CPA6: variants seen among roughly 807,000 people sequenced by gnomAD.
CPA6 encodes the protein carboxypeptidase A6.
In CPA6, 58 loss-of-function variants were observed where a neutral mutation model predicts 63.3. The observed-to-expected ratio is 0.92, with a 90% CI of 0.74 to 1.14. The LOEUF (loss-of-function observed/expected upper bound fraction) is 1.14, where lower values mean the gene tolerates loss of function less well. Among genes scored for constraint, CPA6 ranks in the 50% most tolerant of loss-of-function variants. The pLI is 0.00. For synonymous variants in CPA6, 185 were observed against 179.0 expected (o/e 1.03, Z -0.27); for missense variants, 565 against 526.6 (o/e 1.07, Z -0.71).
chr8:67,529,144 C>T (rs2128968614), intron 2 of CPA6, among the ~76,000 whole-genome samples: 1 of 152,026 alleles, frequency 6.6e-6, no homozygotes, highest in Non-Finnish European at 1.5e-5. Context: ...TTCTTATCTA[C>T]AGACAGAACT....
intron 1 of CPA6, among the ~76,000 whole-genome samples, chr8:67,710,053 C>A (rs1482027494): frequency 6.6e-6 from 1 of 151,466 alleles, no homozygotes; most frequent in Admixed American, 6.6e-5. Flanking sequence ...GCAGAGGTTG[C>A]AGTGAGCTGA....
chr8:67,640,371 C>A (rs902836156), intron 1 of CPA6, among the ~76,000 whole-genome samples: 3 of 151,490 alleles, frequency 2.0e-5, no homozygotes, highest in Admixed American at 6.6e-5. Flanking sequence ...TGCCCCAAAT[C>A]CAGAGGGGGT....
intron 6 of CPA6, among the ~76,000 whole-genome samples, chr8:67,496,532 T>TATAG (rs1811717637): frequency 7.4e-6 from 1 of 135,488 alleles, no homozygotes; most frequent in Non-Finnish European, 1.5e-5. Context: ...TATATATATA[T>TATAG]ATATATATAT....
intron 1 of CPA6, among the ~76,000 whole-genome samples, chr8:67,740,002 C>T (rs2553669): frequency 0.82 from 124,431 of 152,120 alleles, 51,111 homozygotes; most frequent in Admixed American, 0.86. Flanking sequence ...CAGAGGGAAC[C>T]AGAGATGCAT....
At chr8:67,464,781 G>A (rs764526861) in intron 8 of CPA6, among the ~76,000 whole-genome samples, 1 of 152,144 alleles carries the variant, frequency 6.6e-6, no homozygotes, top group Non-Finnish European at 1.5e-5. Flanking sequence ...TATCCCCATT[G>A]CTTATTTCTG....
chr8:67,613,672 C>T (rs868510282), intron 2 of CPA6, among the ~76,000 whole-genome samples: 2 of 152,138 alleles, frequency 1.3e-5, no homozygotes, highest in Non-Finnish European at 1.5e-5. Context: ...GACAGGAGAC[C>T]GGGAAATCCT....
intron 2 of CPA6, among the ~76,000 whole-genome samples, chr8:67,547,625 G>C (rs1812847195): frequency 6.6e-6 from 1 of 151,830 alleles, no homozygotes; most frequent in Non-Finnish European, 1.5e-5. Flanking sequence ...CTCTGGAGTA[G>C]CTGGGCCCAC....
chr8:67,479,648 G>A lies in CPA6; in HGVS notation c.838+4120C>T, dbSNP rs1043295996. On this transcript the variant is annotated intron_variant, in intron 8 of 10. Coordinates refer to ENST00000297770, the MANE Select transcript of CPA6 (RefSeq NM_020361.5). ...TCACAGCAAAGTTTAATTGCAATCC[G>A]CTATAGGCATTTTTGAGTACTAAAG... Among the ~76,000 whole-genome samples the A allele has an allele frequency of 2.4e-4, 37 of 152,126 alleles. 1 individual carries two copies. Among genetic ancestry groups the A allele is most frequent in the Non-Finnish European group, 5.0e-4 (34 of 68,014 alleles).
chr8:67,713,286 A>G (rs1817311761), intron 1 of CPA6, among the ~76,000 whole-genome samples: 1 of 151,022 alleles, frequency 6.6e-6, no homozygotes, highest in Admixed American at 6.6e-5. Flanking sequence ...GATCTCAGGT[A>G]ACAAACTGAA....
chr8:67,599,707 T>C (rs561670837), intron 2 of CPA6, among the ~76,000 whole-genome samples: 2 of 152,330 alleles, frequency 1.3e-5, no homozygotes, highest in Admixed American at 6.5e-5. Context: ...AAGGTTTATG[T>C]TATTTTATTT....
intron 6 of CPA6, among the ~76,000 whole-genome samples, chr8:67,485,875 C>T (rs2128961509): frequency 6.6e-6 from 1 of 152,296 alleles, no homozygotes. Flanking sequence ...CATTAATGCA[C>T]TCTGGTCTAT....
At chr8:67,558,427 T>G (rs747331924) in intron 2 of CPA6, among the ~76,000 whole-genome samples, 14 of 152,232 alleles carry the variant, frequency 9.2e-5, no homozygotes, top group Non-Finnish European at 1.6e-4. Flanking sequence ...TATTTTCTAC[T>G]CTACCTCTTT....
rs201233591 is a variant in CPA6 at position 67,484,788 on chromosome 8, G to A, written c.638C>T (p.Ala213Val). The A allele has an allele frequency of 3.2e-6, 5 of 1,546,048 alleles. No homozygotes were observed. The highest frequency in any genetic ancestry group is 1.4e-5 in the African/African-American group (1 of 73,144). Residue 213 changes from alanine to valine, a missense_variant and splice_region_variant, in exon 7 of 11, where the codon GCT becomes GTT. Transcript: ENST00000297770. ...TGGGTCACTCTTATATGTTAGAAGA[G>A]CCTAAAAGACAAAGGTGAGATTTTT... ...PAFCQWFVKE[A>V]LLTYKSDPAM...
chr8:67,556,212 G>T (rs1051994770), intron 2 of CPA6, among the ~76,000 whole-genome samples: 2 of 152,168 alleles, frequency 1.3e-5, no homozygotes, highest in Non-Finnish European at 2.9e-5. Flanking sequence ...TATGGGAGAT[G>T]GGGTTTCTGC....
chr8:67,569,909 G>A (rs1813441990), intron 2 of CPA6: 1 of 162,982 alleles, frequency 6.1e-6, no homozygotes, highest in Admixed American at 6.5e-5. Context: ...CTGTACAAGA[G>A]GAGAGTAAAG....
intron 2 of CPA6, among the ~76,000 whole-genome samples, chr8:67,533,268 A>C (rs959686625): frequency 3.3e-5 from 5 of 152,210 alleles, no homozygotes; most frequent in African/African-American, 7.2e-5. Flanking sequence ...TGGCCGTAAG[A>C]AGGGTAGAAT....
intron 2 of CPA6, among the ~76,000 whole-genome samples, chr8:67,620,176 C>T (rs1374840600): frequency 6.6e-6 from 1 of 152,178 alleles, no homozygotes; most frequent in Non-Finnish European, 1.5e-5. Context: ...CACAACTTAG[C>T]AGTTTGTGAA....
intron 1 of CPA6, among the ~76,000 whole-genome samples, chr8:67,670,378 T>C (rs55963155): frequency 0.011 from 1,678 of 152,090 alleles, 13 homozygotes; most frequent in Non-Finnish European, 0.016. Flanking sequence ...GCACTTACTA[T>C]CACGAGAGCA....
At chr8:67,736,480 A>C (rs1012120844) in intron 1 of CPA6, among the ~76,000 whole-genome samples, 2 of 152,192 alleles carry the variant, frequency 1.3e-5, no homozygotes, top group Admixed American at 1.3e-4. Flanking sequence ...TACCCAGTGG[A>C]TACGACTTTG....
Sources: allele counts gnomAD v4.1 joint callset (sites outside exome capture counted in the v4.1 genomes callset), GRCh38; gene constraint gnomAD v4.1.1; transcripts MANE v1.5; gene names NCBI Gene and HGNC (gene_info 2026-07-23, HGNC 2026-07-21).